Variants in RNF150 observed in about 807,000 individuals in gnomAD.
RNF150 encodes the protein ring finger protein 150.
Under a neutral mutation model 39.3 loss-of-function variants are expected in RNF150, and 24 were observed. That is an observed-to-expected ratio of 0.61 (90% CI 0.44 to 0.86). RNF150 has a LOEUF of 0.86. Among genes scored for constraint, RNF150 ranks in the 40% least tolerant of loss-of-function variants. RNF150 has a pLI of 0.00. For missense variants in RNF150, 502 were observed against 587.8 expected (o/e 0.85, Z 1.51); for synonymous variants, 255 against 227.3 (o/e 1.12, Z -1.10).
chr4:140,999,972 GAAGAAAAGAAGAAAAGAAGAAAA>G lies in RNF150; in HGVS notation c.485-32122_485-32100del, dbSNP rs1560678571. ...AGAAGAAGAAGAAGAAGAAGAAGAA[GAAGAAAAGAAGAAAAGAAGAAAA>G]GAAGAAGAAGAAGAAGAAGAAGAAG... On this transcript the variant is annotated intron_variant, in intron 1 of 6. Coordinates refer to ENST00000515673, the MANE Select transcript of RNF150 (RefSeq NM_020724.2). Among the ~76,000 whole-genome samples the G allele has an allele frequency of 1.0e-4, 3 of 30,014 alleles. No individual in the cohort carries two copies. The East Asian group carries it at 2.9e-3, about 29-fold the overall frequency. 19.7% of individuals were successfully genotyped at this position (30,014 alleles called of 152,430 possible). A position where few individuals can be genotyped will look rare whatever the true frequency, so the allele number is the denominator to read the frequency against.
At chr4:141,179,756 G>C (rs1727874356) in intron 1 of RNF150, among the ~76,000 whole-genome samples, 1 of 152,162 alleles carries the variant, frequency 6.6e-6, no homozygotes, top group African/African-American at 2.4e-5. Context: ...GCAGGGGAAA[G>C]ATTAGACAGA....
chr4:140,910,393 A>ATATT (rs1312410098), intron 6 of RNF150, among the ~76,000 whole-genome samples: 1 of 152,194 alleles, frequency 6.6e-6, no homozygotes, highest in African/African-American at 2.4e-5. Flanking sequence ...TTTATCTCTT[A>ATATT]TATTAGACTG....
chr4:140,962,066 TCTCTCTCTCTCTCTA>T (rs1320444127), intron 2 of RNF150, among the ~76,000 whole-genome samples: 1 of 45,118 alleles, frequency 2.2e-5, no homozygotes, highest in East Asian at 2.3e-3. Flanking sequence ...CTCTCTCTCT[TCTCTCTCTCTCTCTA>T]CTCTCTCTCT....
chr4:140,971,536 G>A (rs955767877), intron 1 of RNF150, among the ~76,000 whole-genome samples: 2 of 152,118 alleles, frequency 1.3e-5, no homozygotes, highest in African/African-American at 4.8e-5. Flanking sequence ...TTATACTTGA[G>A]TGGTGAGAAG....
At chr4:140,948,976 A>G (rs1046195879) in intron 3 of RNF150, among the ~76,000 whole-genome samples, 3 of 152,238 alleles carry the variant, frequency 2.0e-5, no homozygotes, top group African/African-American at 7.2e-5. Context: ...TGGCTGCTAG[A>G]AAGCCCCAAC....
intron 1 of RNF150, among the ~76,000 whole-genome samples, chr4:141,037,079 T>G (rs150807842): frequency 7.9e-5 from 12 of 152,320 alleles, no homozygotes; most frequent in African/African-American, 2.6e-4. Flanking sequence ...CTATTCTTCA[T>G]TAGGGCACAA....
upstream of RNF150, among the ~76,000 whole-genome samples, chr4:141,136,241 T>C (rs1358982083): frequency 6.6e-6 from 1 of 152,164 alleles, no homozygotes; most frequent in Non-Finnish European, 1.5e-5. Flanking sequence ...ATTCCTGACT[T>C]GGATATTTAT....
At chr4:141,055,680 G>A (rs1204391940) in intron 1 of RNF150, among the ~76,000 whole-genome samples, 2 of 152,020 alleles carry the variant, frequency 1.3e-5, no homozygotes, top group African/African-American at 4.8e-5. Flanking sequence ...ATGCAAAAGA[G>A]GTTAAGAGAT....
At chr4:141,168,416 C>A (rs1035872429) in intron 1 of RNF150, among the ~76,000 whole-genome samples, 2 of 152,118 alleles carry the variant, frequency 1.3e-5, no homozygotes, top group Non-Finnish European at 2.9e-5. Context: ...ACCATAAATA[C>A]CATTTGACCC....
At chr4:140,977,858 G>C (rs1398218971) in intron 1 of RNF150, among the ~76,000 whole-genome samples, 1 of 152,084 alleles carries the variant, frequency 6.6e-6, no homozygotes, top group Non-Finnish European at 1.5e-5. Flanking sequence ...CCTAGACCAT[G>C]AATAAGCAGT....
chr4:141,203,872 A>T (rs754820108), intron 1 of RNF150, among the ~76,000 whole-genome samples: 45 of 152,048 alleles, frequency 3.0e-4, no homozygotes, highest in Non-Finnish European at 5.9e-4. Context: ...CAGTGAAGAA[A>T]AAAAAAAGTT....
At chr4:141,139,841 T>C (rs1727088862) in intron 1 of RNF150, among the ~76,000 whole-genome samples, 2 of 152,170 alleles carry the variant, frequency 1.3e-5, no homozygotes, top group South Asian at 4.1e-4. Context: ...GAAGTCTGAC[T>C]CTAGGGTATG....
At chr4:140,960,564 C>T (rs546775918) in intron 2 of RNF150, among the ~76,000 whole-genome samples, 1 of 152,292 alleles carries the variant, frequency 6.6e-6, no homozygotes, top group African/African-American at 2.4e-5. Context: ...CTCACTCCTA[C>T]CCCTGCCCTC....
At chr4:141,023,224 AGATGAT>A (rs34239783) in intron 1 of RNF150, among the ~76,000 whole-genome samples, 38 of 150,456 alleles carry the variant, frequency 2.5e-4, no homozygotes, top group East Asian at 3.9e-4. Context: ...GAAACTGGTG[AGATGAT>A]GATGATGATG....
intron 1 of RNF150, among the ~76,000 whole-genome samples, chr4:141,036,257 G>A (rs550793410): frequency 6.6e-6 from 1 of 152,234 alleles, no homozygotes; most frequent in South Asian, 2.1e-4. Context: ...TATGTTTTGG[G>A]CCTATAATAG....
chr4:141,084,560 C>CT (rs1398027144), intron 1 of RNF150, among the ~76,000 whole-genome samples: 3 of 152,334 alleles, frequency 2.0e-5, no homozygotes, highest in African/African-American at 7.2e-5. Context: ...AGCAAGTCTG[C>CT]TCTCAAATGC....
intron 6 of RNF150, among the ~76,000 whole-genome samples, chr4:140,890,984 T>C (rs1449814722): frequency 1.3e-5 from 2 of 152,168 alleles, no homozygotes; most frequent in Non-Finnish European, 2.9e-5. Context: ...TGAAGAGGTG[T>C]AAAGTACCAT....
intron 4 of RNF150, among the ~76,000 whole-genome samples, chr4:140,939,311 C>T (rs923289104): frequency 1.3e-5 from 2 of 152,084 alleles, no homozygotes; most frequent in Admixed American, 1.3e-4. Flanking sequence ...TAGTTATGTT[C>T]TGGTCTTTGT....
intron 1 of RNF150, among the ~76,000 whole-genome samples, chr4:140,993,663 C>T (rs1043643916): frequency 2.6e-5 from 4 of 152,264 alleles, no homozygotes; most frequent in Admixed American, 2.6e-4. Context: ...TATCATTTCC[C>T]TAAGGTCTTC....
Sources: allele counts gnomAD v4.1 joint callset (sites outside exome capture counted in the v4.1 genomes callset), GRCh38; gene constraint gnomAD v4.1.1; transcripts MANE v1.5; gene names NCBI Gene and HGNC (gene_info 2026-07-23, HGNC 2026-07-21).